Variants in CPLANE1 observed in about 807,000 individuals in gnomAD.
The protein encoded by CPLANE1 is ciliogenesis and planar polarity effector complex subunit 1.
In CPLANE1, 263 loss-of-function variants were observed where a neutral mutation model predicts 362.5. That is an observed-to-expected ratio of 0.73 (90% CI 0.66 to 0.80). The LOEUF is 0.80. Among genes scored for constraint, CPLANE1 ranks in the 30% least tolerant of loss-of-function variants. The pLI, the probability that CPLANE1 is intolerant of heterozygous loss-of-function variation, is 0.00. For synonymous variants in CPLANE1, 1,212 were observed against 1,302.6 expected (o/e 0.93, Z 1.50); for missense variants, 3,461 against 3,793.4 (o/e 0.91, Z 2.30).
intron 5 of CPLANE1, among the ~76,000 whole-genome samples, chr5:37,244,094 C>A (rs911442651): frequency 1.3e-5 from 2 of 152,036 alleles, no homozygotes; most frequent in African/African-American, 4.8e-5. Context: ...AGGTGATCCA[C>A]CCGCCTCAGC....
intron 1 of CPLANE1, among the ~76,000 whole-genome samples, chr5:37,247,995 G>A (rs1369792446): frequency 6.6e-6 from 1 of 151,540 alleles, no homozygotes; most frequent in East Asian, 1.9e-4. Flanking sequence ...TCACCATGTT[G>A]GCCAGGCTGG....
At chr5:37,100,029 G>GAGTACAAAAA in the CPLANE1 span, among the ~76,000 whole-genome samples, 4,935 of 152,166 alleles carry the variant, frequency 0.032, 280 homozygotes, top group African/African-American at 0.11. Context: ...CAGACGGATA[G>GAGTACAAAAA]AGTACAAAAA....
Position 37,205,354 on chromosome 5 carries a change from C to T in CPLANE1, c.3250G>A (p.Ala1084Thr). ...TATTTTGAGCCCATTTCATTTTTTG[C>T]TTCCAAAGAGGCTGGTTGACCTAAA... ...CVLGQPASLE[A>T]KNEMGSKYKQ... is the part of the protein sequence containing the mutation. The change falls in exon 18 of 53, where the codon GCA becomes ACA. Residue 1084 changes from alanine to threonine, a missense_variant. By Grantham distance (58) the Ala-to-Thr change is moderately conservative. Coordinates refer to ENST00000651892, the MANE Select transcript of CPLANE1 (RefSeq NM_001384732.1). 2 of 1,550,218 alleles carry T rather than the reference C, an allele frequency of 1.3e-6. No homozygotes were observed. Among genetic ancestry groups the T allele is most frequent in the Non-Finnish European group, 1.7e-6 (2 of 1,146,408 alleles).
At chr5:37,204,393 T>C (rs1790085111) in intron 18 of CPLANE1, among the ~76,000 whole-genome samples, 1 of 152,218 alleles carries the variant, frequency 6.6e-6, no homozygotes, top group Non-Finnish European at 1.5e-5. Context: ...CATTACTTTT[T>C]ATCTAAATTT....
intron 46 of CPLANE1, 80 bp from the exon 47 acceptor site, chr5:37,125,489 T>C: frequency 7.3e-7 from 1 of 1,371,172 alleles, no homozygotes. Context: ...AAACACTATT[T>C]ATCCGGAAAT....
At chr5:37,101,360 C>A (rs930640371), downstream of CPLANE1, among the ~76,000 whole-genome samples, 1 of 151,892 alleles carries the variant, frequency 6.6e-6, no homozygotes, top group East Asian at 1.9e-4. Context: ...TCAAGATAAT[C>A]ATGTGGTTTG....
At chr5:37,150,213 G>A (rs1316967348) in intron 42 of CPLANE1, among the ~76,000 whole-genome samples, 1 of 152,126 alleles carries the variant, frequency 6.6e-6, no homozygotes, top group African/African-American at 2.4e-5. Context: ...TCCTGCTTTG[G>A]CTGGCTTTCT....
chr5:37,231,012 T>C lies in CPLANE1; in HGVS notation c.976A>G (p.Ser326Gly), dbSNP rs1797614510. Residue 326 changes from serine (S) to glycine (G), a missense_variant, in exon 9 of 53, where the codon AGT (serine) becomes GGT (glycine). Physicochemically the swap from Ser to Gly is moderately conservative, Grantham distance 56. Transcript: ENST00000651892. ...WVGDISWTHD[S>G]LFLACMLKRG... The stretch of plus-strand genomic sequence containing the variant: ...TTTAACATACAAGCCAGAAAAAGAC[T>C]ATCATGCGTCCAGCTGATATCACCT... The C allele has an allele frequency of 1.3e-6, 2 of 1,549,206 alleles. No homozygotes were observed. Among genetic ancestry groups the C allele is most frequent in the Non-Finnish European group, 1.7e-6 (2 of 1,145,830 alleles).
intron 12 of CPLANE1, among the ~76,000 whole-genome samples, chr5:37,225,097 G>C (rs72736765): frequency 0.028 from 4,295 of 151,436 alleles, 93 homozygotes; most frequent in Middle Eastern, 0.11. Context: ...GGGAGACAGG[G>C]TCTTGCTCTG....
At chr5:37,212,001 GA>G in intron 16 of CPLANE1, 1 of 976,426 alleles carries the variant, frequency 1.0e-6, no homozygotes, top group Non-Finnish European at 1.7e-6. Flanking sequence ...ACAAAAGGAA[GA>G]AGAAAAAATA....
Position 37,120,212 on chromosome 5 carries a change from T to C in CPLANE1, c.9310+4A>G, listed in dbSNP as rs768945155. On this transcript the variant is annotated splice_donor_region_variant and intron_variant, in intron 50 of 52. Coordinates refer to ENST00000651892, the MANE Select transcript of CPLANE1 (RefSeq NM_001384732.1). ...ACAATTTATAAAAAAGCTTTAAGTC[T>C]TACCATGTGGCCAAGGTGAGCCTTG... 3.1e-6 allele frequency: 5 copies of C among 1,598,824 alleles called. No homozygotes were observed. The East Asian group carries it at 1.1e-4, about 36-fold the overall frequency.
chr5:37,240,367 A>G (rs181951757), intron 6 of CPLANE1, among the ~76,000 whole-genome samples: 53 of 152,146 alleles, frequency 3.5e-4, no homozygotes, highest in African/African-American at 1.3e-3. Flanking sequence ...AAAAAGAAAG[A>G]AAGAAAGAGA....
At chr5:37,154,205 A>G (rs1020880337) in intron 41 of CPLANE1, among the ~76,000 whole-genome samples, 13 of 152,196 alleles carry the variant, frequency 8.5e-5, no homozygotes, top group Admixed American at 8.5e-4. Flanking sequence ...CAAACAAGGA[A>G]GTCTGAATAT....
Position 37,201,789 on chromosome 5 carries a change from A to G in CPLANE1, c.3309T>C (p.Asp1103=), listed in dbSNP as rs1789259804. ...KQFTDPIEEE[D]ANLLFGSVQE... is the part of the protein sequence containing the mutation. The stretch of plus-strand genomic sequence containing the variant: ...GTACTGAACCAAATAGCAGATTTGC[A>G]TCTTCCTCTTCAATGGGATCTATCA... The change falls in exon 19 of 53, where the codon GAT becomes GAC. Residue 1103 remains aspartate (D), a synonymous_variant. Coordinates refer to ENST00000651892, the MANE Select transcript of CPLANE1 (RefSeq NM_001384732.1). 1 of 1,612,488 alleles carries G rather than the reference A, an allele frequency of 6.2e-7. No individual in the cohort carries two copies. Among genetic ancestry groups the G allele is most frequent in the African/African-American group, 1.3e-5 (1 of 74,912 alleles).
Position 37,227,742 on chromosome 5 carries a change from CT to C in CPLANE1, c.1196del (p.Gln399ArgfsTer5). On this transcript the variant is annotated frameshift_variant, in exon 10 of 53. Coordinates refer to ENST00000651892, the MANE Select transcript of CPLANE1 (RefSeq NM_001384732.1). Reference protein sequence around the residue: ...SSASDSDPMRQRFSIKAHSRL... With the variant: ...SSASDSDPMRXRFSIKAHSRL... The stretch of plus-strand genomic sequence containing the variant: ...GTGAGTGTGCTTTTATAGAAAATCT[CT>C]GTCTCATAGGGTCACTATCAGAAGC... 1 of 1,551,394 alleles carries C rather than the reference CT, an allele frequency of 6.4e-7. No individual in the cohort carries two copies. The highest frequency in any genetic ancestry group is 1.2e-5 in the South Asian group (1 of 84,048).
At chr5:37,140,354 T>C (rs998383801) in intron 44 of CPLANE1, 31 of 980,408 alleles carry the variant, frequency 3.2e-5, no homozygotes, top group Middle Eastern at 5.2e-4. Context: ...CATATTGTTC[T>C]ATTTAATTTA....
At chr5:37,121,385 C>T (rs1387125392) in intron 49 of CPLANE1, among the ~76,000 whole-genome samples, 1 of 152,178 alleles carries the variant, frequency 6.6e-6, no homozygotes, top group Admixed American at 6.5e-5. Context: ...TTCTGGAATA[C>T]CTAAATGCTC....
At chr5:37,193,288 G>A (rs527921568) in intron 21 of CPLANE1, among the ~76,000 whole-genome samples, 1 of 152,272 alleles carries the variant, frequency 6.6e-6, no homozygotes, top group East Asian at 1.9e-4. Context: ...TTGCAAGTGG[G>A]TGAGAGGTAC....
At chr5:37,083,465 A>C in the CPLANE1 span, among the ~76,000 whole-genome samples, 2 of 152,242 alleles carry the variant, frequency 1.3e-5, 1 homozygote, top group South Asian at 4.1e-4. Flanking sequence ...TAAGAAGTTT[A>C]GTTATTGAGC....
Sources: gnomAD v4.1 joint callset for allele counts (sites outside exome capture counted in the v4.1 genomes callset) on GRCh38, gnomAD v4.1.1 for gene constraint, MANE v1.5 for transcripts, NCBI Gene and HGNC (gene_info 2026-07-23, HGNC 2026-07-21) for gene names.